The following AP1G1 variants were observed in gnomAD, a reference collection of about 807,000 sequenced individuals.
AP1G1 encodes the protein AP-1 complex subunit gamma-1.
Under a neutral mutation model 108.3 loss-of-function variants are expected in AP1G1, and 7 were observed. The ratio of observed to expected loss-of-function variants is 0.06; its 90% CI spans 0.04 to 0.12. The LOEUF (loss-of-function observed/expected upper bound fraction) is 0.12, where lower values mean the gene tolerates loss of function less well. Ranked by LOEUF, AP1G1 falls within the 10% of genes least tolerant of loss-of-function variation. The probability of loss-of-function intolerance (pLI) is 1.00; values close to 1 mark genes in which losing one functional copy is unlikely to be tolerated. For synonymous variants in AP1G1, 379 were observed against 353.5 expected (o/e 1.07, Z -0.81); for missense variants, 756 against 1,010.7 (o/e 0.75, Z 3.42).
chr16:71,788,456 C>T (rs1165639595), intron 2 of AP1G1, among the ~76,000 whole-genome samples: 1 of 152,112 alleles, frequency 6.6e-6, no homozygotes, highest in Non-Finnish European at 1.5e-5. Flanking sequence ...GAATGGACAT[C>T]TTAGATAGTA....
intron 3 of AP1G1, among the ~76,000 whole-genome samples, 185 bp from the exon 4 acceptor site, chr16:71,773,547 C>T (rs2031653637): frequency 6.6e-6 from 1 of 152,118 alleles, no homozygotes. Flanking sequence ...GACTGACAGT[C>T]CCTCCTATAG....
At chr16:71,750,944 C>T (rs1403549343) in intron 13 of AP1G1, among the ~76,000 whole-genome samples, 2 of 151,172 alleles carry the variant, frequency 1.3e-5, no homozygotes, top group Non-Finnish European at 3.0e-5. Flanking sequence ...ATCACAAGGT[C>T]AGGAGATCGA....
intron 6 of AP1G1, among the ~76,000 whole-genome samples, chr16:71,768,641 C>T (rs9935291): frequency 6.4e-4 from 97 of 151,310 alleles, no homozygotes; most frequent in African/African-American, 2.1e-3. Context: ...AAGAGCTGGG[C>T]GCGGTGGCTC....
chr16:71,773,181 C>T, intron 4 of AP1G1, 40 bp downstream of exon 4: 1 of 1,605,808 alleles, frequency 6.2e-7, no homozygotes. Flanking sequence ...CTCCATAATA[C>T]TCCCTAATCC....
At chr16:71,754,560 G>GC (rs2030679220) in intron 12 of AP1G1, among the ~76,000 whole-genome samples, 1 of 152,156 alleles carries the variant, frequency 6.6e-6, no homozygotes, top group Non-Finnish European at 1.5e-5. Context: ...ACTTTGGGAC[G>GC]CCAAGGAGGA....
intron 15 of AP1G1, 138 bp downstream of exon 15, chr16:71,749,756 G>C (rs887221902): frequency 2.8e-6 from 2 of 702,846 alleles, no homozygotes; most frequent in Non-Finnish European, 5.0e-6. Context: ...CTCCCAAAGC[G>C]CTGGGATTAT....
At chr16:71,752,370 AATTC>A (rs1238877478) in intron 13 of AP1G1, among the ~76,000 whole-genome samples, 1 of 152,188 alleles carries the variant, frequency 6.6e-6, no homozygotes, top group Non-Finnish European at 1.5e-5. Flanking sequence ...TTACCAAGTT[AATTC>A]ATTGTAAGTA....
chr16:71,765,000 A>C (rs541679598), intron 7 of AP1G1, among the ~76,000 whole-genome samples: 1 of 152,384 alleles, frequency 6.6e-6, no homozygotes, highest in African/African-American at 2.4e-5. Flanking sequence ...TACCACCTGC[A>C]GAGCTATATT....
intron 13 of AP1G1, among the ~76,000 whole-genome samples, chr16:71,752,405 CCA>C (rs1302684377): frequency 6.6e-6 from 1 of 151,988 alleles, no homozygotes; most frequent in Non-Finnish European, 1.5e-5. Flanking sequence ...CGAGTATGCC[CCA>C]GAGAGAATTC....
At chr16:71,749,492 A>C (rs896763221) in intron 15 of AP1G1, among the ~76,000 whole-genome samples, 2 of 151,968 alleles carry the variant, frequency 1.3e-5, no homozygotes, top group Non-Finnish European at 2.9e-5. Context: ...AAAAAAAAAA[A>C]AACAAAAAAC....
At chr16:71,733,258 T>G in intron 22 of AP1G1, 99 bp from the exon 23 acceptor site, 1 of 912,642 alleles carries the variant, frequency 1.1e-6, no homozygotes, top group Non-Finnish European at 1.7e-6. Context: ...GGTCAAAACT[T>G]AAAGCAAAGC....
chr16:71,747,802 C>G (rs1054259644), intron 16 of AP1G1, among the ~76,000 whole-genome samples: 1 of 151,582 alleles, frequency 6.6e-6, no homozygotes, highest in Non-Finnish European at 1.5e-5. Flanking sequence ...GGCAAACAAA[C>G]GAAACACTTT....
chr16:71,759,934 TCTG>T (rs1567648837), intron 10 of AP1G1, among the ~76,000 whole-genome samples: 2 of 152,160 alleles, frequency 1.3e-5, no homozygotes, highest in African/African-American at 2.4e-5. Context: ...GTGAGTTTTC[TCTG>T]CTTTTATTTG....
At position 71,732,100 on chromosome 16, in the gene AP1G1, C is replaced by T. The variant is rs992570911; in HGVS notation, c.*958G>A. On this transcript the variant is annotated 3_prime_UTR_variant, in exon 23 of 23. Transcript: ENST00000299980. Reference sequence around the variant, plus strand: ...TGATCTTTGAAACTGGTGAACTCCTCTTCCACCCATTACCATAGTTCAAAC... The same window carrying T: ...TGATCTTTGAAACTGGTGAACTCCTTTTCCACCCATTACCATAGTTCAAAC... The T allele has an allele frequency of 2.0e-5, 3 of 152,298 alleles. No homozygotes were observed. Among genetic ancestry groups the T allele is most frequent in the African/African-American group, 7.2e-5 (3 of 41,448 alleles). The allele number at this position is 152,298 out of a possible 1,614,324, so 9.4% of individuals were successfully genotyped here. A position where few individuals can be genotyped will look rare whatever the true frequency, so the allele number is the denominator to read the frequency against.
chr16:71,776,244 C>CA (rs1298817332), intron 2 of AP1G1, among the ~76,000 whole-genome samples: 1 of 152,202 alleles, frequency 6.6e-6, no homozygotes, highest in Non-Finnish European at 1.5e-5. Flanking sequence ...ATTGCTCTCT[C>CA]AATGTACCTG....
At chr16:71,803,898 T>G (rs1338950977) in intron 1 of AP1G1, among the ~76,000 whole-genome samples, 6 of 131,664 alleles carry the variant, frequency 4.6e-5, no homozygotes, top group Admixed American at 2.6e-4. Context: ...CACTCCAGCC[T>G]GGGCAACAGA....
Position 71,784,265 on chromosome 16 carries a change from G to A in AP1G1, c.201+5014C>T, listed in dbSNP as rs193028170. ...TTAAGATTGTCCCCATTTTACAGAT[G>A]AGGAAACTGAGACACAGAAAGGTTA... On this transcript the variant is annotated intron_variant, in intron 2 of 22. Coordinates refer to ENST00000299980, the MANE Select transcript of AP1G1 (RefSeq NM_001128.6). Among the ~76,000 whole-genome samples the A allele has an allele frequency of 7.2e-5, 11 of 152,266 alleles. No individual in the cohort carries two copies. The East Asian group carries it at 2.1e-3, about 29-fold the overall frequency.
At position 71,773,239 on chromosome 16, in the gene AP1G1, G is replaced by A; in HGVS notation, c.450C>T (p.Asn150=). Residue 150 remains asparagine (N), a synonymous_variant, in exon 4 of 23, where the codon AAC becomes AAT. Transcript: ENST00000299980. ...GEVEKLLKTS[N]SYLRKKAALC... ...AAGTTACCTTTTTTCTTAAGTAAGA[G>A]TTGGAGGTTTTCAGGAGCTTCTCTA... The A allele has an allele frequency of 6.2e-7, 1 of 1,613,688 alleles. No homozygotes were observed.
chr16:71,733,755 G>A (rs768508690), intron 22 of AP1G1, among the ~76,000 whole-genome samples: 13 of 152,132 alleles, frequency 8.5e-5, no homozygotes, highest in Non-Finnish European at 1.8e-4. Flanking sequence ...TATACTCATC[G>A]TACGCTCTCC....
Sources: allele counts gnomAD v4.1 joint callset (sites outside exome capture counted in the v4.1 genomes callset), GRCh38; gene constraint gnomAD v4.1.1; transcripts MANE v1.5; gene names NCBI Gene and HGNC (gene_info 2026-07-23, HGNC 2026-07-21).